CTTN: variants seen among roughly 807,000 people sequenced by gnomAD.
CTTN encodes the protein cortactin, also known as src substrate cortactin.
CTTN carries 28 observed loss-of-function variants against 84.0 expected under a neutral mutation model. That is an observed-to-expected ratio of 0.33 (90% CI 0.25 to 0.46). The LOEUF (loss-of-function observed/expected upper bound fraction) is 0.46. CTTN is among the 20% of genes least tolerant of loss of function. CTTN has a pLI of 1.00. For synonymous variants in CTTN, 301 were observed against 288.8 expected (o/e 1.04, Z -0.43); for missense variants, 641 against 723.8 (o/e 0.89, Z 1.31).
chr11:70,414,944 G>T (rs1591438093), intron 6 of CTTN, among the ~76,000 whole-genome samples: 1 of 152,144 alleles, frequency 6.6e-6, no homozygotes, highest in Non-Finnish European at 1.5e-5. Flanking sequence ...GTTTCCACCC[G>T]TGTTTCTCAC....
At chr11:70,426,652 G>A (rs1449200299) in intron 13 of CTTN, among the ~76,000 whole-genome samples, 3 of 150,410 alleles carry the variant, frequency 2.0e-5, no homozygotes, top group South Asian at 2.1e-4. Context: ...GCGCGGACTC[G>A]GCTCACTGCA....
chr11:70,417,352 GTTAT>G (rs760706283), intron 8 of CTTN, among the ~76,000 whole-genome samples: 53 of 152,072 alleles, frequency 3.5e-4, no homozygotes, highest in African/African-American at 1.3e-3. Flanking sequence ...TGGAATTTAG[GTTAT>G]TTATTTATTT....
Position 70,409,950 on chromosome 11 carries a change from G to A in CTTN, c.281G>A (p.Arg94Gln). The A allele has an allele frequency of 5.6e-6, 9 of 1,613,972 alleles. No homozygotes were observed. Among genetic ancestry groups the A allele is most frequent in the Admixed American group, 1.7e-5 (1 of 60,014 alleles). Residue 94 changes from arginine (R) to glutamine (Q), a missense_variant, in exon 5 of 18, where the codon CGA becomes CAA. Transcript: ENST00000301843. Reference protein sequence around the residue: ...YGGKFGVEQDRMDKSAVGHEY... With the variant: ...YGGKFGVEQDQMDKSAVGHEY... ...GGGAAATTTGGTGTGGAACAAGACC[G>A]AATGGATAAGGTAAGTGGCCCGCGG...
At chr11:70,433,342 A>C in intron 16 of CTTN, 64 bp downstream of exon 16, 2 of 1,487,246 alleles carry the variant, frequency 1.3e-6, no homozygotes, top group Middle Eastern at 2.5e-4. Flanking sequence ...ATCCTGCTCG[A>C]CCTGTGGCGT....
At chr11:70,431,336 C>A in intron 15 of CTTN, 56 bp downstream of exon 15, 1 of 1,571,062 alleles carries the variant, frequency 6.4e-7, no homozygotes, top group South Asian at 1.1e-5. Context: ...GAGCCCAGGT[C>A]CTGTTTGTGG....
Position 70,435,582 on chromosome 11 carries a change from A to AG in CTTN, c.*422dup. The AG allele has an allele frequency of 6.4e-7, 1 of 1,566,670 alleles. No homozygotes were observed. Among genetic ancestry groups the AG allele is most frequent in the Non-Finnish European group, 8.6e-7 (1 of 1,163,328 alleles). On this transcript the variant is annotated 3_prime_UTR_variant, in exon 18 of 18. Coordinates refer to ENST00000301843, the MANE Select transcript of CTTN (RefSeq NM_005231.4). Reference sequence around the variant, plus strand: ...TCGGCCCTGTGGCGGGTAGGCAGGAAGGACTGTCCCAGACGAGGGGCTTCC... The same window carrying AG: ...TCGGCCCTGTGGCGGGTAGGCAGGAAGGGACTGTCCCAGACGAGGGGCTTCC...
At chr11:70,416,866 A>G (rs2058167814) in intron 7 of CTTN, 147 bp from the exon 8 acceptor site, 1 of 662,106 alleles carries the variant, frequency 1.5e-6, no homozygotes. Context: ...ACCTGTATGG[A>G]GCAGTGGGTG....
intron 8 of CTTN, among the ~76,000 whole-genome samples, chr11:70,419,476 C>T (rs969092306): frequency 1.3e-5 from 2 of 152,162 alleles, no homozygotes; most frequent in South Asian, 2.1e-4. Flanking sequence ...CTATGTTGCT[C>T]AGGCTGGACT....
At chr11:70,409,155 C>T (rs920733189) in intron 4 of CTTN, among the ~76,000 whole-genome samples, 5 of 152,030 alleles carry the variant, frequency 3.3e-5, no homozygotes, top group Admixed American at 1.3e-4. Flanking sequence ...CTAGGATTGT[C>T]GTCCAGATGT....
intron 12 of CTTN, among the ~76,000 whole-genome samples, chr11:70,423,736 A>G (rs2058269453): frequency 6.6e-6 from 1 of 152,198 alleles, no homozygotes; most frequent in Non-Finnish European, 1.5e-5. Context: ...GAGCGGGGAT[A>G]GAGCTGGCCC....
intron 15 of CTTN, among the ~76,000 whole-genome samples, chr11:70,432,301 G>T (rs1480158599): frequency 6.6e-6 from 1 of 152,210 alleles, no homozygotes; most frequent in Non-Finnish European, 1.5e-5. Flanking sequence ...CTCCCGTGCA[G>T]TTCAGCCCTT....
intron 17 of CTTN, 125 bp from the exon 18 acceptor site, chr11:70,434,901 T>C (rs7131282): frequency 0.23 from 225,322 of 992,068 alleles, 28,342 homozygotes; most frequent in African/African-American, 0.46. Context: ...TCCGCGGTGG[T>C]CCGCATCTCT....
chr11:70,436,044 A>T lies in CTTN; in HGVS notation c.*882A>T. The T allele has an allele frequency of 7.0e-7, 1 of 1,424,250 alleles. No individual in the cohort carries two copies. Among genetic ancestry groups the T allele is most frequent in the Non-Finnish European group, 9.1e-7 (1 of 1,094,956 alleles). 88.2% of individuals were successfully genotyped at this position (1,424,250 alleles called of 1,614,324 possible). On this transcript the variant is annotated 3_prime_UTR_variant, in exon 18 of 18. Transcript: ENST00000301843. ...TGGGGCGGTGTGTGTGCCATGTCAC[A>T]GCATGGCCTCTCGGCCTTGGGAAGG...
In CTTN at chr11:70,435,606, C is replaced by T. The variant is rs773714716; in HGVS notation, c.*444C>T. 12 of 1,585,132 alleles carry T rather than the reference C, an allele frequency of 7.6e-6. No homozygotes were observed. Among genetic ancestry groups the T allele is most frequent in the South Asian group, 1.1e-5 (1 of 88,870 alleles). The stretch of plus-strand genomic sequence containing the variant: ...AAGGACTGTCCCAGACGAGGGGCTT[C>T]CTCTAGAGTCTCACTGCTGGGGAGG... On this transcript the variant is annotated 3_prime_UTR_variant, in exon 18 of 18. Coordinates refer to ENST00000301843, the MANE Select transcript of CTTN (RefSeq NM_005231.4).
chr11:70,420,882 C>A (rs1288291999), intron 10 of CTTN, among the ~76,000 whole-genome samples: 1 of 152,084 alleles, frequency 6.6e-6, no homozygotes, highest in Non-Finnish European at 1.5e-5. Flanking sequence ...TGGGTTTACC[C>A]GGGAGTGGGG....
chr11:70,432,560 A>T (rs1033339460), intron 15 of CTTN, among the ~76,000 whole-genome samples: 1 of 152,252 alleles, frequency 6.6e-6, no homozygotes, highest in Non-Finnish European at 1.5e-5. Context: ...GGCAGTGGTT[A>T]TAGATAGAGA....
intron 13 of CTTN, among the ~76,000 whole-genome samples, chr11:70,426,217 C>G (rs879634711): frequency 6.6e-6 from 1 of 152,096 alleles, no homozygotes; most frequent in Non-Finnish European, 1.5e-5. Flanking sequence ...ACCATCCTGG[C>G]TAACACGATG....
Position 70,417,783 on chromosome 11 carries a change from A to C in CTTN, c.568+660A>C, listed in dbSNP as rs961635007. On this transcript the variant is annotated intron_variant, in intron 8 of 17. Coordinates refer to ENST00000301843, the MANE Select transcript of CTTN (RefSeq NM_005231.4). ...AGTGCTGGGATTACAGGTGTGAGCC[A>C]CTGCGCCCAGCTGAAACTTGACTGC... Among the ~76,000 whole-genome samples, 6 of 152,360 alleles carry C rather than the reference A, an allele frequency of 3.9e-5. No homozygotes were observed. In the South Asian group the frequency reaches 1.0e-3, roughly 26 times the overall value.
Position 70,423,000 on chromosome 11 carries a change from A to G in CTTN, c.957+5A>G, listed in dbSNP as rs1221754584. The G allele has an allele frequency of 1.9e-6, 3 of 1,613,106 alleles. No individual in the cohort carries two copies. The highest frequency in any genetic ancestry group is 2.7e-5 in the African/African-American group (2 of 74,690). On this transcript the variant is annotated splice_donor_5th_base_variant and intron_variant, in intron 12 of 17. Transcript: ENST00000301843. The stretch of plus-strand genomic sequence containing the variant: ...CAGAAGGATCGGATGGATAAGGTAA[A>G]TATTCCAGCCCCGGAGCTTAGTGTC...
Sources: gnomAD v4.1 joint callset for allele counts (sites outside exome capture counted in the v4.1 genomes callset) on GRCh38, gnomAD v4.1.1 for gene constraint, MANE v1.5 for transcripts, NCBI Gene and HGNC (gene_info 2026-07-23, HGNC 2026-07-21) for gene names.